Variants in RWDD4 observed in about 807,000 individuals in gnomAD.
RWDD4 encodes the protein RWD domain-containing protein 4.
Under a neutral mutation model 30.0 loss-of-function variants are expected in RWDD4, and 16 were observed. That is an observed-to-expected ratio of 0.53 (90% CI 0.36 to 0.81). RWDD4 has a LOEUF of 0.81. Ranked by LOEUF, RWDD4 falls within the 30% of genes least tolerant of loss-of-function variation. RWDD4 has a pLI of 0.00. For synonymous variants in RWDD4, 45 were observed against 72.1 expected (o/e 0.62, Z 1.90); for missense variants, 170 against 223.9 (o/e 0.76, Z 1.54).
At chr4:183,646,580 G>T in intron 5 of RWDD4, 43 bp from the exon 6 acceptor site, 1 of 1,547,596 alleles carries the variant, frequency 6.5e-7, no homozygotes, top group Non-Finnish European at 8.8e-7. Flanking sequence ...AGACCAACCA[G>T]CTAGTTTTAT....
rs59841926 is a variant in RWDD4 at position 183,652,361 on chromosome 4, C to CTTT, written c.106-1037_106-1035dup. ...AACAGTCCCCAGCCCTCTCCCCTGG[C>CTTT]TTTTTTTTTTTTTTTTTGAGACAGG... On this transcript the variant is annotated intron_variant, in intron 2 of 7. Coordinates refer to ENST00000326397, the MANE Select transcript of RWDD4 (RefSeq NM_152682.4). 3.6e-4 allele frequency among the ~76,000 whole-genome samples: 44 copies of CTTT among 123,286 alleles called. 5 individuals are homozygous for CTTT. The highest frequency in any genetic ancestry group is 3.9e-4 in the Non-Finnish European group (24 of 61,720). The allele number at this position is 123,286 out of a possible 152,430, so 80.9% of individuals were successfully genotyped here. A position where few individuals can be genotyped will look rare whatever the true frequency, so the allele number is the denominator to read the frequency against.
rs751789342 is a variant in RWDD4 at position 183,651,340 on chromosome 4, G to T, written c.106-13C>A. On this transcript the variant is annotated splice_polypyrimidine_tract_variant and intron_variant, in intron 2 of 7. Transcript: ENST00000326397. ...CATTTTCACCTATCTGAAGAGAAGG[G>T]GAAATCTTAGGCTTGTAAAAGGTGA... The T allele has an allele frequency of 6.3e-7, 1 of 1,576,246 alleles. No homozygotes were observed. Among genetic ancestry groups the T allele is most frequent in the South Asian group, 1.1e-5 (1 of 88,858 alleles).
At chr4:183,643,791 G>A (rs553137071) in intron 7 of RWDD4, among the ~76,000 whole-genome samples, 25 of 152,214 alleles carry the variant, frequency 1.6e-4, no homozygotes, top group African/African-American at 5.3e-4. Context: ...GGTGGCAAGC[G>A]CCTGTAATTC....
intron 5 of RWDD4, among the ~76,000 whole-genome samples, chr4:183,647,813 T>C (rs1733991589): frequency 6.6e-6 from 1 of 152,228 alleles, no homozygotes; most frequent in African/African-American, 2.4e-5. Flanking sequence ...TTAGATTTTT[T>C]TATTTCACAA....
Position 183,651,034 on chromosome 4 carries a change from T to C in RWDD4, c.313A>G (p.Lys105Glu), listed in dbSNP as rs1734063579. Residue 105 changes from lysine (K) to glutamate (E), a missense_variant, in exon 4 of 8, where the codon AAA (lysine) becomes GAA (glutamate). By Grantham distance (56) the Lys-to-Glu change is moderately conservative. Transcript: ENST00000326397. ...TCCATGAACTGCTCTTTATTGTCTT[T>C]GGCATATTCAAACAATGTATAGGTC... ...AMTYTLFEYA[K>E]DNKEQFMENH... The C allele has an allele frequency of 1.2e-6, 2 of 1,613,138 alleles. No homozygotes were observed. The highest frequency in any genetic ancestry group is 1.7e-6 in the Non-Finnish European group (2 of 1,179,972).
intron 1 of RWDD4, among the ~76,000 whole-genome samples, chr4:183,656,884 G>A (rs1166183938): frequency 6.6e-6 from 1 of 152,184 alleles, no homozygotes; most frequent in African/African-American, 2.4e-5. Flanking sequence ...AAATTAGCCA[G>A]GTGTGGTGAT....
chr4:183,653,907 T>G (rs1344542048), intron 2 of RWDD4, among the ~76,000 whole-genome samples: 1 of 152,164 alleles, frequency 6.6e-6, no homozygotes, highest in East Asian at 1.9e-4. Flanking sequence ...AACTGCAATA[T>G]GAATAATAGT....
At chr4:183,656,307 C>T (rs780240578) in intron 1 of RWDD4, among the ~76,000 whole-genome samples, 1 of 152,180 alleles carries the variant, frequency 6.6e-6, no homozygotes, top group Admixed American at 6.5e-5. Flanking sequence ...TAGAACTTGG[C>T]TAAAGACGAA....
intron 2 of RWDD4, 43 bp from the exon 3 acceptor site, chr4:183,651,370 A>C: frequency 7.1e-7 from 1 of 1,416,338 alleles, no homozygotes; most frequent in Non-Finnish European, 9.9e-7. Context: ...AGGTGATAAA[A>C]AGACAGAAAA....
At chr4:183,649,869 T>C (rs1012892931) in intron 4 of RWDD4, among the ~76,000 whole-genome samples, 2 of 152,238 alleles carry the variant, frequency 1.3e-5, no homozygotes, top group African/African-American at 4.8e-5. Flanking sequence ...TACAATTCAG[T>C]TAACTTGCTA....
At chr4:183,650,796 A>C (rs1223598326) in intron 4 of RWDD4, among the ~76,000 whole-genome samples, 188 bp downstream of exon 4, 2 of 152,228 alleles carry the variant, frequency 1.3e-5, no homozygotes, top group African/African-American at 4.8e-5. Context: ...AATCTAGAGA[A>C]TATAATATCA....
chr4:183,644,529 C>A (rs1456175607), intron 7 of RWDD4, among the ~76,000 whole-genome samples: 1 of 152,192 alleles, frequency 6.6e-6, no homozygotes, highest in Non-Finnish European at 1.5e-5. Flanking sequence ...GTAATACCAA[C>A]ACTTTGGGAG....
Position 183,641,501 on chromosome 4 carries a change from T to TTAC in RWDD4, c.535-34_535-33insGTA, listed in dbSNP as rs749846580. The TTAC allele has an allele frequency of 1.2e-5, 18 of 1,537,422 alleles. No individual in the cohort carries two copies. The East Asian group carries it at 3.8e-4, about 33-fold the overall frequency. On this transcript the variant is annotated intron_variant, in intron 7 of 7. Coordinates refer to ENST00000326397, the MANE Select transcript of RWDD4 (RefSeq NM_152682.4). ...AAAAAGAGAGAAAATAGTCAACAAGTGGTATTTTCTGAGTTCACTATTTCC... is the reference window on the plus strand; with the variant it reads ...AAAAAGAGAGAAAATAGTCAACAAGTTACGGTATTTTCTGAGTTCACTATTTCC...
chr4:183,641,380 T>A lies in RWDD4; in HGVS notation c.*56A>T. On this transcript the variant is annotated 3_prime_UTR_variant, in exon 8 of 8. Transcript: ENST00000326397. ...TACCAGAAAATAGTAATGAAAGATT[T>A]TGAACCCAGTTTTACTCTTTAAAGA... 1 of 1,391,404 alleles carries A rather than the reference T, an allele frequency of 7.2e-7. No homozygotes were observed. Among genetic ancestry groups the A allele is most frequent in the African/African-American group, 1.4e-5 (1 of 69,576 alleles). 86.2% of individuals were successfully genotyped at this position (1,391,404 alleles called of 1,614,324 possible).
chr4:183,645,653 C>T (rs547061941), intron 7 of RWDD4, among the ~76,000 whole-genome samples: 3 of 151,934 alleles, frequency 2.0e-5, no homozygotes, highest in African/African-American at 7.2e-5. Context: ...CCTTTGATCC[C>T]AGCTAGTCAG....
In RWDD4 at chr4:183,659,133, G is replaced by A; in HGVS notation, c.-181C>T. Reference sequence around the variant, plus strand: ...GAGCCTCGGCAGCGCCCAGCCGCCGGCAGTGGGCTGTGGGCTACGAGCCGG... The same window carrying A: ...GAGCCTCGGCAGCGCCCAGCCGCCGACAGTGGGCTGTGGGCTACGAGCCGG... On this transcript the variant is annotated 5_prime_UTR_variant, in exon 1 of 8. Transcript: ENST00000326397. 2.3e-6 allele frequency: 1 copy of A among 431,680 alleles called. No individual in the cohort carries two copies. Among genetic ancestry groups the A allele is most frequent in the Non-Finnish European group, 3.9e-6 (1 of 257,796 alleles). 26.7% of individuals were successfully genotyped at this position (431,680 alleles called of 1,614,324 possible).
intron 7 of RWDD4, among the ~76,000 whole-genome samples, chr4:183,645,372 T>C (rs1025049850): frequency 5.3e-5 from 8 of 152,048 alleles, no homozygotes; most frequent in East Asian, 1.9e-4. Flanking sequence ...CTGAGACATG[T>C]AGGCAGCAAA....
chr4:183,652,608 G>C (rs545687352), intron 2 of RWDD4, among the ~76,000 whole-genome samples: 17 of 151,892 alleles, frequency 1.1e-4, no homozygotes, highest in Non-Finnish European at 1.6e-4. Flanking sequence ...TCAAGAGATC[G>C]AGACCATCCT....
intron 2 of RWDD4, among the ~76,000 whole-genome samples, chr4:183,652,585 G>A (rs1734102929): frequency 6.6e-6 from 1 of 152,068 alleles, no homozygotes; most frequent in Admixed American, 6.5e-5. Flanking sequence ...GCCAAGGCGG[G>A]TAGATCATGA....
Sources: gnomAD v4.1 joint callset for allele counts (sites outside exome capture counted in the v4.1 genomes callset) on GRCh38, gnomAD v4.1.1 for gene constraint, MANE v1.5 for transcripts, NCBI Gene and HGNC (gene_info 2026-07-23, HGNC 2026-07-21) for gene names.